Variants in RAP1GAP2 observed in about 807,000 individuals in gnomAD.
The protein encoded by RAP1GAP2 is rap1 GTPase-activating protein 2.
In RAP1GAP2, 27 loss-of-function variants were observed where a neutral mutation model predicts 95.0. That is an observed-to-expected ratio of 0.28 (90% CI 0.21 to 0.39). RAP1GAP2 has a LOEUF of 0.39. Among genes scored for constraint, RAP1GAP2 ranks in the 10% least tolerant of loss-of-function variants. RAP1GAP2 has a pLI of 1.00. For synonymous variants in RAP1GAP2, 373 were observed against 380.9 expected, an observed-to-expected ratio of 0.98 and a Z score of 0.24; for missense variants, 771 against 970.0, an observed-to-expected ratio of 0.79 and a Z score of 2.72.
Position 2,904,985 on chromosome 17 carries a change from G to A in RAP1GAP2, c.81-299G>A, listed in dbSNP as rs2042152627. 6.6e-6 allele frequency among the ~76,000 whole-genome samples: 1 copy of A among 152,120 alleles called. No individual in the cohort carries two copies. The highest frequency in any genetic ancestry group is 2.4e-5 in the African/African-American group (1 of 41,434). On this transcript the variant is annotated intron_variant, in intron 2 of 24. Coordinates refer to ENST00000254695, the MANE Select transcript of RAP1GAP2 (RefSeq NM_015085.5). The surrounding 1 kb of genome is among the most constrained non-coding windows in gnomAD (Gnocchi z 4.7). ...CAACCTCCACCTCCCAGGTTCAAGTGATTCTCCTGCCTCAGTCTCTCTAGT... is the reference window on the plus strand; with the variant it reads ...CAACCTCCACCTCCCAGGTTCAAGTAATTCTCCTGCCTCAGTCTCTCTAGT...
At position 2,904,327 on chromosome 17, in the gene RAP1GAP2, G is replaced by A. The variant is rs2042118524; in HGVS notation, c.81-957G>A. ...CTGCTTGGTGATGGGACCGCACACA[G>A]CACTCCCCGGTCACCAGCGAGGGCC... On this transcript the variant is annotated intron_variant, in intron 2 of 24. Transcript: ENST00000254695. This position sits in a 1 kb window ranked among gnomAD's most constrained non-coding sequence, Gnocchi z 4.7. Among the ~76,000 whole-genome samples, 1 of 152,146 alleles carries A rather than the reference G, an allele frequency of 6.6e-6. No homozygotes were observed.
intron 8 of RAP1GAP2, among the ~76,000 whole-genome samples, chr17:2,972,546 C>T (rs1208539900): frequency 4.5e-5 from 6 of 132,064 alleles, no homozygotes; most frequent in Admixed American, 9.4e-5. Context: ...TGCAGTGAGC[C>T]GAGCTTGTGC....
rs369926973 is a variant in RAP1GAP2 at position 3,027,005 on chromosome 17, C to T, written c.2042C>T (p.Pro681Leu). Residue 681 changes from proline (P) to leucine (L), a missense_variant, in exon 22 of 25, where the codon CCG becomes CTG. Transcript: ENST00000254695. This position sits in a 1 kb window ranked among gnomAD's most constrained non-coding sequence, Gnocchi z 5.2. The stretch of plus-strand genomic sequence containing the variant: ...GAGGTGTTTGTCTACAGCCCGTCCC[C>T]GAGCAGCGAGAGCCCCAGCCTGGGG... ...KQEVFVYSPS[P>L]SSESPSLGAA... The T allele has an allele frequency of 1.6e-5, 25 of 1,564,560 alleles. No individual in the cohort carries two copies. Among genetic ancestry groups the T allele is most frequent in the African/African-American group, 5.4e-5 (4 of 73,598 alleles).
At chr17:2,937,732 AG>A (rs2043347596) in intron 3 of RAP1GAP2, among the ~76,000 whole-genome samples, 1 of 152,188 alleles carries the variant, frequency 6.6e-6, no homozygotes, top group Non-Finnish European at 1.5e-5. Context: ...CTCTGCAGCT[AG>A]GGGTCCCTCT....
chr17:2,871,018 C>T lies in RAP1GAP2; in HGVS notation c.81-34266C>T, dbSNP rs1009102768. Among the ~76,000 whole-genome samples, 9 of 152,160 alleles carry T rather than the reference C, an allele frequency of 5.9e-5. No homozygotes were observed. The highest frequency in any genetic ancestry group is 1.9e-4 in the African/African-American group (8 of 41,438). The stretch of plus-strand genomic sequence containing the variant: ...TCACCCAGGCTGGAGTGCAGTGGTG[C>T]GATCTTGGCTTACTGCAACCTCCGC... On this transcript the variant is annotated intron_variant, in intron 2 of 24. Transcript: ENST00000254695. The surrounding 1 kb of genome is among the most constrained non-coding windows in gnomAD (Gnocchi z 5.0).
intron 10 of RAP1GAP2, 77 bp from the exon 11 acceptor site, chr17:2,984,906 T>A: frequency 6.3e-7 from 1 of 1,581,158 alleles, no homozygotes; most frequent in Admixed American, 1.7e-5. Context: ...AAATGGATGC[T>A]TCCCCTGCCA....
In RAP1GAP2 at chr17:2,871,464, T is replaced by G. The variant is rs2072842898; in HGVS notation, c.81-33820T>G. On this transcript the variant is annotated intron_variant, in intron 2 of 24. Coordinates refer to ENST00000254695, the MANE Select transcript of RAP1GAP2 (RefSeq NM_015085.5). This position sits in a 1 kb window ranked among gnomAD's most constrained non-coding sequence, Gnocchi z 5.0. ...CACTCTGGTCAGAGTGGTGTTGTGT[T>G]ACAAGAGTCCTGTCCAGCGGGAGAG... is the stretch of plus-strand genomic sequence containing the variant. 6.6e-6 allele frequency among the ~76,000 whole-genome samples: 1 copy of G among 152,072 alleles called. No homozygotes were observed. The highest frequency in any genetic ancestry group is 1.5e-5 in the Non-Finnish European group (1 of 68,016).
chr17:2,934,070 G>A (rs1216972906), intron 3 of RAP1GAP2, among the ~76,000 whole-genome samples: 8 of 152,236 alleles, frequency 5.3e-5, no homozygotes, highest in Admixed American at 1.3e-4. Flanking sequence ...GATGGCGTCC[G>A]TCATCCATGC....
intron 2 of RAP1GAP2, among the ~76,000 whole-genome samples, chr17:2,820,923 A>C (rs1179474042): frequency 1.9e-5 from 2 of 107,534 alleles, no homozygotes; most frequent in South Asian, 6.7e-4. Flanking sequence ...TTTTTAGTAG[A>C]GATAGGTTTC....
At chr17:2,761,261 G>T (rs1168381483) in intron 1 of RAP1GAP2, among the ~76,000 whole-genome samples, 1 of 149,250 alleles carries the variant, frequency 6.7e-6, no homozygotes, top group Non-Finnish European at 1.5e-5. Context: ...GGCCGGTGGG[G>T]TGCCATTTTC....
At chr17:2,803,193 C>T (rs1484487128) in intron 2 of RAP1GAP2, among the ~76,000 whole-genome samples, 1 of 152,008 alleles carries the variant, frequency 6.6e-6, no homozygotes, top group Non-Finnish European at 1.5e-5. Flanking sequence ...GGGGCGTGGG[C>T]CAGGGTTGAG....
At chr17:2,992,898 C>G (rs759352120) in intron 12 of RAP1GAP2, among the ~76,000 whole-genome samples, 3 of 152,098 alleles carry the variant, frequency 2.0e-5, no homozygotes, top group Non-Finnish European at 4.4e-5. Flanking sequence ...CTATAAGCCT[C>G]AGTTTCCTCA....
intron 1 of RAP1GAP2, among the ~76,000 whole-genome samples, chr17:2,763,922 G>A (rs2068231423): frequency 6.6e-6 from 1 of 151,894 alleles, no homozygotes; most frequent in African/African-American, 2.4e-5. Flanking sequence ...GGACCTGTGT[G>A]TGCCCGGTGG....
At chr17:2,917,020 G>C (rs1218086382) in intron 3 of RAP1GAP2, among the ~76,000 whole-genome samples, 2 of 152,222 alleles carry the variant, frequency 1.3e-5, no homozygotes, top group Non-Finnish European at 2.9e-5. Flanking sequence ...GGAACAGCTG[G>C]CTGGGTTCGT....
chr17:2,930,324 C>A (rs1397150282), intron 3 of RAP1GAP2, among the ~76,000 whole-genome samples: 1 of 152,240 alleles, frequency 6.6e-6, no homozygotes, highest in Non-Finnish European at 1.5e-5. Context: ...AGCCCACCAG[C>A]TGCTCACTGT....
intron 8 of RAP1GAP2, among the ~76,000 whole-genome samples, chr17:2,974,603 T>G (rs964396615): frequency 3.3e-5 from 5 of 152,112 alleles, no homozygotes; most frequent in Admixed American, 3.3e-4. Context: ...TGGGATTTTT[T>G]TTTTTGCATG....
chr17:2,941,524 G>A (rs1009570977), intron 3 of RAP1GAP2, among the ~76,000 whole-genome samples: 2 of 152,140 alleles, frequency 1.3e-5, no homozygotes, highest in African/African-American at 2.4e-5. Context: ...AGCCCGAGGC[G>A]CTGTCCAGTT....
At chr17:2,789,354 A>G (rs189234058) in intron 1 of RAP1GAP2, among the ~76,000 whole-genome samples, 1 of 152,224 alleles carries the variant, frequency 6.6e-6, no homozygotes, top group Admixed American at 6.5e-5. Context: ...GGCATTATCA[A>G]ATTTTTAAAA....
intron 3 of RAP1GAP2, among the ~76,000 whole-genome samples, chr17:2,922,439 G>C (rs1336200846): frequency 6.6e-6 from 1 of 152,138 alleles, no homozygotes; most frequent in African/African-American, 2.4e-5. Context: ...TCTTTTTGGG[G>C]GCCACCATTA....
Sources: allele counts gnomAD v4.1 joint callset (sites outside exome capture counted in the v4.1 genomes callset), GRCh38; gene constraint gnomAD v4.1.1; non-coding constraint Gnocchi (gnomAD v3.1); transcripts MANE v1.5; gene names NCBI Gene and HGNC (gene_info 2026-07-23, HGNC 2026-07-21).